The following CAPN7 variants were observed in gnomAD, a reference collection of about 807,000 sequenced individuals.
The protein encoded by CAPN7 is calpain-7.
CAPN7 carries 72 observed loss-of-function variants against 115.2 expected under a neutral mutation model. The ratio of observed to expected loss-of-function variants is 0.63; its 90% confidence interval spans 0.52 to 0.76. CAPN7 has a LOEUF of 0.76. Ranked by LOEUF, CAPN7 falls within the 30% of genes least tolerant of loss-of-function variation. CAPN7 has a pLI of 0.00. For missense variants in CAPN7, 905 were observed against 971.5 expected, an observed-to-expected ratio of 0.93 and a Z score of 0.91; for synonymous variants, 344 against 322.3, an observed-to-expected ratio of 1.07 and a Z score of -0.72.
At chr3:15,243,008 G>T (rs965915396) in intron 16 of CAPN7, among the ~76,000 whole-genome samples, 1 of 152,070 alleles carries the variant, frequency 6.6e-6, no homozygotes, top group Non-Finnish European at 1.5e-5. Flanking sequence ...ACTGATACAC[G>T]TGTAAAAAAA....
At position 15,251,149 on chromosome 3, in the gene CAPN7, A is replaced by G. The variant is rs201296640; in HGVS notation, c.2331A>G (p.Ile777Met). The G allele has an allele frequency of 6.2e-7, 1 of 1,606,612 alleles. No homozygotes were observed. Among genetic ancestry groups the G allele is most frequent in the African/African-American group, 1.3e-5 (1 of 74,624 alleles). Residue 777 changes from isoleucine (I) to methionine (M), a missense_variant, in exon 21 of 21, where the codon ATA becomes ATG. By Grantham distance (10) the Ile-to-Met change is conservative. Coordinates refer to ENST00000253693, the MANE Select transcript of CAPN7 (RefSeq NM_014296.3). ...TTTGCTACCTGGAATTAGAAAATAT[A>G]CCTTCTGGGATCTTCAATATCATTC... ...CGFCYLELENIPSGIFNIIPS... is the reference protein window; with the variant it reads ...CGFCYLELENMPSGIFNIIPS...
intron 10 of CAPN7, among the ~76,000 whole-genome samples, chr3:15,233,204 CTCTTG>C (rs1468262618): frequency 3.3e-5 from 5 of 152,126 alleles, no homozygotes; most frequent in Non-Finnish European, 5.9e-5. Context: ...TAATATCCAC[CTCTTG>C]TCTTAAAGTC....
At chr3:15,239,023 TTA>T (rs1695184235) in intron 12 of CAPN7, among the ~76,000 whole-genome samples, 1 of 152,092 alleles carries the variant, frequency 6.6e-6, no homozygotes, top group Non-Finnish European at 1.5e-5. Context: ...TGCTCCTCTT[TTA>T]GGAAGTGTTG....
chr3:15,210,695 A>G (rs1029678042), intron 1 of CAPN7: 3 of 834,914 alleles, frequency 3.6e-6, no homozygotes, highest in African/African-American at 3.7e-5. Flanking sequence ...CCCAGGGCTC[A>G]GGTGATCCTC....
At chr3:15,250,881 C>A in intron 19 of CAPN7, 50 bp from the exon 20 acceptor site, 1 of 1,286,830 alleles carries the variant, frequency 7.8e-7, no homozygotes, top group Non-Finnish European at 1.1e-6. Flanking sequence ...TTTTAAATCA[C>A]GTTTGAGAAT....
chr3:15,213,036 A>G (rs1428104415), intron 2 of CAPN7, among the ~76,000 whole-genome samples: 1 of 152,224 alleles, frequency 6.6e-6, no homozygotes, highest in Non-Finnish European at 1.5e-5. Flanking sequence ...TACTTTTAAT[A>G]CAGTGCCCAG....
Position 15,241,474 on chromosome 3 carries a change from AC to A in CAPN7, c.1676del (p.Pro559LeufsTer2). On this transcript the variant is annotated frameshift_variant, in exon 15 of 21. Transcript: ENST00000253693. LOFTEE classifies it high-confidence loss of function. ...IHSTWDAKQG[P>X]VKDAYSLANN... ...TTAGTACTTGGGATGCTAAGCAAGGACCTGTGAAAGATGCCTATAGCCTGGC... is the reference window on the plus strand; with the variant it reads ...TTAGTACTTGGGATGCTAAGCAAGGACTGTGAAAGATGCCTATAGCCTGGC... 1 of 1,614,050 alleles carries A rather than the reference AC, an allele frequency of 6.2e-7. No homozygotes were observed. The highest frequency in any genetic ancestry group is 8.5e-7 in the Non-Finnish European group (1 of 1,179,958).
At chr3:15,250,524 T>G (rs1024717405) in intron 19 of CAPN7, among the ~76,000 whole-genome samples, 1 of 151,996 alleles carries the variant, frequency 6.6e-6, no homozygotes, top group Non-Finnish European at 1.5e-5. Flanking sequence ...CAAAAAAATT[T>G]AGCCAGGCAC....
rs1330466481 is a variant in CAPN7 at position 15,229,012 on chromosome 3, C to A, written c.891C>A (p.Ala297=). Residue 297 remains alanine (A), a synonymous_variant, in exon 8 of 21, where the codon GCC becomes GCA. Coordinates refer to ENST00000253693, the MANE Select transcript of CAPN7 (RefSeq NM_014296.3). ...VSDCSFVASL[A]ISAAYERRFN... ...ATTGCTCCTTTGTGGCATCACTGGCCATCAGTGCAGCTTATGAAAGACGTT... is the reference window on the plus strand; with the variant it reads ...ATTGCTCCTTTGTGGCATCACTGGCAATCAGTGCAGCTTATGAAAGACGTT... 6.2e-7 allele frequency: 1 copy of A among 1,613,440 alleles called. No individual in the cohort carries two copies. The highest frequency in any genetic ancestry group is 1.7e-5 in the Admixed American group (1 of 59,958).
At chr3:15,221,807 T>C (rs1315420576) in intron 5 of CAPN7, among the ~76,000 whole-genome samples, 1 of 151,730 alleles carries the variant, frequency 6.6e-6, no homozygotes, top group Non-Finnish European at 1.5e-5. Flanking sequence ...CCATCTCTAC[T>C]ACAAATACAA....
At chr3:15,221,154 C>A (rs1285292591) in intron 5 of CAPN7, 173 bp downstream of exon 5, 4 of 501,340 alleles carry the variant, frequency 8.0e-6, no homozygotes, top group Non-Finnish European at 1.4e-5. Flanking sequence ...AATTTTAGTT[C>A]TGATATATTT....
intron 2 of CAPN7, 86 bp from the exon 3 acceptor site, chr3:15,217,339 A>T (rs982971897): frequency 8.3e-7 from 1 of 1,199,398 alleles, no homozygotes; most frequent in African/African-American, 1.6e-5. Flanking sequence ...GGGTTTTGGT[A>T]AAAAATGTCT....
In CAPN7 at chr3:15,228,362, T is replaced by A. The variant is rs149671862; in HGVS notation, c.852+397T>A. 4.0e-4 allele frequency among the ~76,000 whole-genome samples: 61 copies of A among 152,350 alleles called. No individual in the cohort carries two copies. In the East Asian group the frequency reaches 0.011, roughly 26 times the overall value. The stretch of plus-strand genomic sequence containing the variant: ...TAGAATAAAATGTGTGAGTCAGCAG[T>A]ATGGTGTTTCTATTTGTTACTTTCC... On this transcript the variant is annotated intron_variant, in intron 7 of 20. Coordinates refer to ENST00000253693, the MANE Select transcript of CAPN7 (RefSeq NM_014296.3).
At chr3:15,213,825 C>T (rs1436194955) in intron 2 of CAPN7, among the ~76,000 whole-genome samples, 1 of 151,766 alleles carries the variant, frequency 6.6e-6, no homozygotes, top group African/African-American at 2.4e-5. Flanking sequence ...TCAAATGAGA[C>T]ACCCCAATCT....
intron 2 of CAPN7, among the ~76,000 whole-genome samples, chr3:15,213,691 AT>A (rs1272546499): frequency 6.6e-6 from 1 of 152,012 alleles, no homozygotes; most frequent in Non-Finnish European, 1.5e-5. Context: ...AATATGAATC[AT>A]TTTTTTCTAA....
intron 6 of CAPN7, among the ~76,000 whole-genome samples, chr3:15,225,374 T>C (rs1470116359): frequency 1.3e-5 from 2 of 152,244 alleles, no homozygotes; most frequent in African/African-American, 2.4e-5. Context: ...TCAGTTATTC[T>C]GGTATTTTCT....
intron 19 of CAPN7, among the ~76,000 whole-genome samples, chr3:15,250,111 G>A (rs1695916356): frequency 6.6e-6 from 1 of 150,656 alleles, no homozygotes; most frequent in Non-Finnish European, 1.5e-5. Context: ...GGTGGCTCAA[G>A]GCTGTAATCC....
chr3:15,206,674 C>G, intron 1 of CAPN7, 77 bp downstream of exon 1: 1 of 1,097,684 alleles, frequency 9.1e-7, no homozygotes, highest in South Asian at 1.5e-5. Flanking sequence ...GGGGCGGGAT[C>G]CGGGTGCGGA....
At chr3:15,245,861 T>G (rs1294415107) in intron 17 of CAPN7, 190 bp downstream of exon 17, 2 of 503,460 alleles carry the variant, frequency 4.0e-6, no homozygotes, top group Non-Finnish European at 6.7e-6. Flanking sequence ...AGAAATGTCT[T>G]TATTTTGAAA....
Sources: allele counts gnomAD v4.1 joint callset (sites outside exome capture counted in the v4.1 genomes callset), GRCh38; gene constraint gnomAD v4.1.1; transcripts MANE v1.5; gene names NCBI Gene and HGNC (gene_info 2026-07-23, HGNC 2026-07-21).